PCDHA7: variants seen among roughly 807,000 people sequenced by gnomAD.
PCDHA7 encodes protocadherin alpha 7, also known as protocadherin alpha-7.
In PCDHA7, 37 loss-of-function variants were observed where a neutral mutation model predicts 57.2. That is an observed-to-expected ratio of 0.65 (90% CI 0.50 to 0.85). The LOEUF (loss-of-function observed/expected upper bound fraction) is 0.85. Among genes scored for constraint, PCDHA7 ranks in the 40% least tolerant of loss-of-function variants. PCDHA7 has a pLI of 0.00. For missense variants in PCDHA7, 1,188 were observed against 1,241.8 expected, an observed-to-expected ratio of 0.96 and a Z score of 0.65; for synonymous variants, 553 against 558.8, an observed-to-expected ratio of 0.99 and a Z score of 0.15.
At chr5:140,875,292 T>C in intron 1 of PCDHA7, 1 of 1,401,900 alleles carries the variant, frequency 7.1e-7, no homozygotes, top group Non-Finnish European at 9.3e-7. Context: ...ACAGGAAAAT[T>C]TTTTTCTCCG....
chr5:140,908,268 A>G (rs1401852970), intron 1 of PCDHA7, among the ~76,000 whole-genome samples: 4 of 152,284 alleles, frequency 2.6e-5, no homozygotes, highest in African/African-American at 9.6e-5. Context: ...GGAACTCCCC[A>G]TGAGGCCATT....
At chr5:140,858,465 T>G in intron 1 of PCDHA7, 1 of 1,522,706 alleles carries the variant, frequency 6.6e-7, no homozygotes, top group African/African-American at 1.4e-5. Flanking sequence ...ATTTTCCTTT[T>G]GTGCTTTATG....
rs2150473987 is a variant in PCDHA7 at position 140,850,218 on chromosome 5, G to C, written c.2355+13480G>C. ...GACACCTCGGATGAGGGGCACTGAC[G>C]GCGCAGTGAGCGAGATGGTGCTGCG... is the stretch of plus-strand genomic sequence containing the variant. On this transcript the variant is annotated intron_variant, in intron 1 of 3. Transcript: ENST00000525929. 11 of 1,593,684 alleles carry C rather than the reference G, an allele frequency of 6.9e-6. 1 individual carries two copies. The highest frequency in any genetic ancestry group is 4.4e-5 in the South Asian group (4 of 90,424).
chr5:140,930,329 A>C (rs868965676), intron 1 of PCDHA7: 1 of 152,198 alleles, frequency 6.6e-6, no homozygotes, highest in African/African-American at 2.4e-5. Context: ...AATGTATCTA[A>C]TGAAAGTTAA....
At chr5:141,000,095 T>G (rs1299354306) in intron 3 of PCDHA7, among the ~76,000 whole-genome samples, 1 of 152,044 alleles carries the variant, frequency 6.6e-6, no homozygotes, top group Non-Finnish European at 1.5e-5. Flanking sequence ...TGAATGGAGC[T>G]CAACTCCGTC....
rs1393449326 is a variant in PCDHA7, at chr5:140,836,217, C to A, written c.1834C>A (p.Gln612Lys). Residue 612 changes from glutamine (Q) to lysine (K), a missense_variant, in exon 1 of 4, where the codon CAA (glutamine) becomes AAA (lysine). Transcript: ENST00000525929. ...GYNAWLSYEL[Q>K]PVAAGASIPF... ...CAACGCGTGGCTTTCGTATGAGTTG[C>A]AACCGGTGGCGGCCGGTGCGAGCAT... The A allele has an allele frequency of 1.2e-6, 2 of 1,613,820 alleles. 1 individual carries two copies. The highest frequency in any genetic ancestry group is 2.7e-5 in the African/African-American group (2 of 74,978).
chr5:140,838,659 G>T (rs2150291095), intron 1 of PCDHA7, among the ~76,000 whole-genome samples: 1 of 152,070 alleles, frequency 6.6e-6, no homozygotes, highest in South Asian at 2.1e-4. Context: ...TAGTTAACGG[G>T]GCATGGTGGC....
intron 1 of PCDHA7, chr5:140,849,585 C>G (rs147876741): frequency 6.3e-7 from 1 of 1,598,624 alleles, no homozygotes; most frequent in African/African-American, 1.3e-5. Flanking sequence ...AGAGGACGCA[C>G]AACTGGGGAC....
chr5:140,975,630 G>A (rs182087841), intron 1 of PCDHA7, among the ~76,000 whole-genome samples: 16 of 152,316 alleles, frequency 1.1e-4, no homozygotes, highest in Admixed American at 3.3e-4. Flanking sequence ...TCCATGGTAC[G>A]AAGATAGCAT....
intron 1 of PCDHA7, chr5:140,842,491 GC>G (rs1554139099): frequency 2.5e-6 from 4 of 1,613,896 alleles, no homozygotes; most frequent in Non-Finnish European, 3.4e-6. Context: ...GCTCCCTGAT[GC>G]CCCATGTCCC....
chr5:140,863,525 C>A, intron 1 of PCDHA7: 1 of 394,654 alleles, frequency 2.5e-6, no homozygotes, highest in South Asian at 2.0e-5. Context: ...TCCCATGGTT[C>A]AGATTTTGGA....
chr5:140,933,780 T>G (rs1404194841), intron 1 of PCDHA7, among the ~76,000 whole-genome samples: 2 of 152,124 alleles, frequency 1.3e-5, no homozygotes, highest in Non-Finnish European at 2.9e-5. Flanking sequence ...TACAGTTTTC[T>G]TTGTAGGAAA....
chr5:140,990,195 A>C (rs1030331876), intron 3 of PCDHA7, among the ~76,000 whole-genome samples: 1 of 152,012 alleles, frequency 6.6e-6, no homozygotes, highest in Non-Finnish European at 1.5e-5. Flanking sequence ...CCAAATGTGG[A>C]CCCGAAAGAG....
chr5:140,917,440 C>A (rs913046487), intron 1 of PCDHA7, among the ~76,000 whole-genome samples: 1 of 151,666 alleles, frequency 6.6e-6, no homozygotes, highest in Non-Finnish European at 1.5e-5. Flanking sequence ...TTTGTTTTTG[C>A]TGCAAGAGCG....
rs149846721 is a variant in PCDHA7 at position 140,856,069 on chromosome 5, C to T, written c.2355+19331C>T. ...ATAAGATGGTTTCCAGATGTAGCTG[C>T]CTGGGGGTCCAGTGTCTGCTGCTCT... is the stretch of plus-strand genomic sequence containing the variant. On this transcript the variant is annotated intron_variant, in intron 1 of 3. Transcript: ENST00000525929. 2.1e-5 allele frequency: 33 copies of T among 1,591,484 alleles called. 2 individuals carry two copies. In the African/African-American group the frequency reaches 3.4e-4, roughly 16 times the overall value.
intron 1 of PCDHA7, among the ~76,000 whole-genome samples, chr5:140,918,819 TG>T (rs2078870306): frequency 1.6e-5 from 1 of 61,992 alleles, no homozygotes; most frequent in Admixed American, 1.3e-4. Flanking sequence ...AACCAAAAAG[TG>T]GCCCCCTCCC....
intron 1 of PCDHA7, among the ~76,000 whole-genome samples, chr5:140,896,927 A>G (rs1453519374): frequency 6.6e-6 from 1 of 152,212 alleles, no homozygotes; most frequent in Non-Finnish European, 1.5e-5. Flanking sequence ...TAATCACATC[A>G]TGGAAAATGG....
intron 1 of PCDHA7, among the ~76,000 whole-genome samples, chr5:140,887,392 G>A (rs1484199271): frequency 1.3e-5 from 2 of 152,024 alleles, no homozygotes; most frequent in African/African-American, 2.4e-5. Context: ...CACCGCGCCC[G>A]GCTCTTTATC....
At chr5:140,922,107 T>C (rs1250364037) in intron 1 of PCDHA7, among the ~76,000 whole-genome samples, 1 of 152,028 alleles carries the variant, frequency 6.6e-6, no homozygotes, top group East Asian at 1.9e-4. Context: ...TATAGATAAA[T>C]GAAAATTCAC....
Sources: gnomAD v4.1 joint callset for allele counts (sites outside exome capture counted in the v4.1 genomes callset) on GRCh38, gnomAD v4.1.1 for gene constraint, MANE v1.5 for transcripts, NCBI Gene and HGNC (gene_info 2026-07-23, HGNC 2026-07-21) for gene names.